The following ME3 variants were observed in gnomAD, a reference collection of about 807,000 sequenced individuals.
ME3 encodes the protein malic enzyme 3, also known as NADP-dependent malic enzyme, mitochondrial.
In ME3, 48 loss-of-function variants were observed where a neutral mutation model predicts 68.9. The ratio of observed to expected loss-of-function variants is 0.70; its 90% CI spans 0.55 to 0.89. The LOEUF (loss-of-function observed/expected upper bound fraction) is 0.89, where lower values mean the gene tolerates loss of function less well. Ranked by LOEUF, ME3 falls within the 40% of genes least tolerant of loss-of-function variation. The probability of loss-of-function intolerance (pLI) is 0.00; values close to 1 mark genes in which losing one functional copy is unlikely to be tolerated. For synonymous variants in ME3, 320 were observed against 318.8 expected, an observed-to-expected ratio of 1.00 and a Z score of -0.04; for missense variants, 675 against 797.4, an observed-to-expected ratio of 0.85 and a Z score of 1.85.
intron 2 of ME3, among the ~76,000 whole-genome samples, chr11:86,653,714 A>G (rs1335087195): frequency 6.6e-6 from 1 of 152,214 alleles, no homozygotes; most frequent in Non-Finnish European, 1.5e-5. Context: ...ACACATTCAA[A>G]AGCTAGCAGA....
downstream of ME3, among the ~76,000 whole-genome samples, chr11:86,440,558 C>T (rs1395731181): frequency 6.6e-6 from 1 of 152,110 alleles, no homozygotes; most frequent in Non-Finnish European, 1.5e-5. Flanking sequence ...GGCTGACCCT[C>T]CCCACCCACA....
chr11:86,563,891 A>T (rs572803993), intron 2 of ME3, among the ~76,000 whole-genome samples: 5 of 152,296 alleles, frequency 3.3e-5, no homozygotes, highest in African/African-American at 1.2e-4. Context: ...TGATGCTTCC[A>T]ACTTTGTTGT....
chr11:86,574,202 C>G (rs1267728946), intron 2 of ME3, among the ~76,000 whole-genome samples: 1 of 152,180 alleles, frequency 6.6e-6, no homozygotes, highest in African/African-American at 2.4e-5. Flanking sequence ...CTGAAGCCTA[C>G]TTCTGTCAAT....
chr11:86,469,358 G>T (rs905972829), intron 7 of ME3, among the ~76,000 whole-genome samples: 4 of 152,166 alleles, frequency 2.6e-5, no homozygotes, highest in East Asian at 1.9e-4. Flanking sequence ...AGGAAAATAT[G>T]GGGGGTGAGT....
At chr11:86,663,719 T>G in intron 2 of ME3, among the ~76,000 whole-genome samples, 1 of 152,128 alleles carries the variant, frequency 6.6e-6, no homozygotes, top group Middle Eastern at 3.2e-3. Flanking sequence ...AAAAGAAACC[T>G]TTGGTAGAAA....
intron 2 of ME3, among the ~76,000 whole-genome samples, chr11:86,586,014 TA>T (rs1958711382): frequency 6.6e-6 from 1 of 152,222 alleles, no homozygotes; most frequent in Non-Finnish European, 1.5e-5. Flanking sequence ...AGGTTCTTCG[TA>T]ACCCAGTGAA....
At chr11:86,530,134 G>T (rs1955094088) in intron 4 of ME3, among the ~76,000 whole-genome samples, 1 of 152,164 alleles carries the variant, frequency 6.6e-6, no homozygotes, top group South Asian at 2.1e-4. Context: ...TCCTTAAGCT[G>T]ACAGGCAACT....
intron 2 of ME3, among the ~76,000 whole-genome samples, chr11:86,670,803 TAC>T (rs1946882391): frequency 6.6e-6 from 1 of 152,236 alleles, no homozygotes; most frequent in African/African-American, 2.4e-5. Context: ...CAGCACTTTA[TAC>T]AGTTTAAAAT....
At chr11:86,576,848 T>C (rs917470952) in intron 2 of ME3, among the ~76,000 whole-genome samples, 1 of 152,234 alleles carries the variant, frequency 6.6e-6, no homozygotes, top group Non-Finnish European at 1.5e-5. Context: ...CTGGCAGTTA[T>C]GCTGGGGAAT....
intron 2 of ME3, among the ~76,000 whole-genome samples, chr11:86,563,795 T>C (rs905031591): frequency 1.3e-5 from 2 of 152,298 alleles, no homozygotes; most frequent in Non-Finnish European, 2.9e-5. Context: ...TCTCTTCTGT[T>C]CCATTGGTCT....
intron 2 of ME3, among the ~76,000 whole-genome samples, chr11:86,631,605 G>A (rs1439594882): frequency 6.6e-6 from 1 of 152,070 alleles, no homozygotes; most frequent in Non-Finnish European, 1.5e-5. Flanking sequence ...AAATCCTCAG[G>A]TAATTCTGAT....
intron 7 of ME3, among the ~76,000 whole-genome samples, chr11:86,475,874 T>TATAGAGAGAGAGAGAG: frequency 9.3e-4 from 85 of 91,464 alleles, no homozygotes; most frequent in Non-Finnish European, 1.3e-3. Context: ...TATATATATA[T>TATAGAGAGAGAGAGAG]AGAGAGAGAG....
intron 8 of ME3, among the ~76,000 whole-genome samples, chr11:86,462,846 G>A (rs1443663842): frequency 6.6e-6 from 1 of 152,142 alleles, no homozygotes. Flanking sequence ...GGGGCTGATG[G>A]GCCTTCCCTG....
chr11:86,548,852 G>GTA (rs1449111156), intron 4 of ME3, among the ~76,000 whole-genome samples: 1 of 152,148 alleles, frequency 6.6e-6, no homozygotes, highest in African/African-American at 2.4e-5. Flanking sequence ...TTCTACTAAT[G>GTA]TACAGTGGGC....
chr11:86,546,144 C>T (rs1398565660), intron 4 of ME3, among the ~76,000 whole-genome samples: 1 of 152,150 alleles, frequency 6.6e-6, no homozygotes, highest in Non-Finnish European at 1.5e-5. Context: ...CCCTTCCTTA[C>T]ACCTTATACA....
chr11:86,448,109 G>C (rs1185660772), intron 11 of ME3, 41 bp downstream of exon 11: 2 of 1,417,184 alleles, frequency 1.4e-6, no homozygotes, highest in Non-Finnish European at 2.0e-6. Context: ...AAGTCAAGAG[G>C]GTTAGCTGGG....
intron 4 of ME3, among the ~76,000 whole-genome samples, chr11:86,537,760 G>A (rs979241724): frequency 1.3e-5 from 2 of 152,208 alleles, no homozygotes; most frequent in African/African-American, 4.8e-5. Flanking sequence ...GGAGTGTTCA[G>A]GAGTGGGCTG....
intron 2 of ME3, among the ~76,000 whole-genome samples, chr11:86,643,798 A>G (rs890489961): frequency 3.9e-5 from 6 of 152,172 alleles, no homozygotes; most frequent in African/African-American, 9.7e-5. Context: ...TAGGTTCTCA[A>G]TAAGTTTATT....
At chr11:86,487,244 C>A in intron 7 of ME3, 93 bp downstream of exon 7, 1 of 1,050,586 alleles carries the variant, frequency 9.5e-7, no homozygotes, top group East Asian at 2.5e-5. Flanking sequence ...CATCTACTGC[C>A]TTTACTTTGT....
Sources: gnomAD v4.1 joint callset for allele counts (sites outside exome capture counted in the v4.1 genomes callset) on GRCh38, gnomAD v4.1.1 for gene constraint, MANE v1.5 for transcripts, NCBI Gene and HGNC (gene_info 2026-07-23, HGNC 2026-07-21) for gene names.